The following GRID2 variants were observed in gnomAD, a reference collection of about 807,000 sequenced individuals.
GRID2 encodes glutamate ionotropic receptor delta type subunit 2, also known as glutamate receptor ionotropic, delta-2.
Under a neutral mutation model 114.8 loss-of-function variants are expected in GRID2, and 33 were observed. The ratio of observed to expected loss-of-function variants is 0.29; its 90% confidence interval spans 0.22 to 0.38. The LOEUF (loss-of-function observed/expected upper bound fraction) is 0.38. GRID2 is among the 10% of genes least tolerant of loss of function. The pLI is 1.00. For missense variants in GRID2, 1,184 were observed against 1,257.7 expected, an observed-to-expected ratio of 0.94 and a Z score of 0.89; for synonymous variants, 505 against 449.9, an observed-to-expected ratio of 1.12 and a Z score of -1.55.
chr4:92,890,010 T>C (rs1746642929), intron 2 of GRID2, among the ~76,000 whole-genome samples: 1 of 152,034 alleles, frequency 6.6e-6, no homozygotes, highest in African/African-American at 2.4e-5. Context: ...AAATAGGCAA[T>C]GGAGAAAGGA....
At chr4:93,439,201 A>G (rs1721390279) in intron 10 of GRID2, among the ~76,000 whole-genome samples, 1 of 152,124 alleles carries the variant, frequency 6.6e-6, no homozygotes, top group Admixed American at 6.6e-5. Context: ...TATACCCAGT[A>G]ATGTGATGGC....
At chr4:92,969,873 A>G (rs1753386507) in intron 2 of GRID2, among the ~76,000 whole-genome samples, 2 of 151,944 alleles carry the variant, frequency 1.3e-5, no homozygotes. Context: ...AAGGATCACA[A>G]TAACAGTAGG....
At chr4:93,534,053 C>G (rs980750348) in intron 13 of GRID2, among the ~76,000 whole-genome samples, 8 of 151,986 alleles carry the variant, frequency 5.3e-5, no homozygotes, top group Non-Finnish European at 8.8e-5. Context: ...TGGCTGTTTT[C>G]TGTTCTTCCT....
intron 2 of GRID2, among the ~76,000 whole-genome samples, chr4:93,022,588 A>G (rs1370424476): frequency 6.6e-6 from 1 of 152,004 alleles, no homozygotes; most frequent in Non-Finnish European, 1.5e-5. Flanking sequence ...TTTAACAGGT[A>G]TTGCTGAATT....
At chr4:93,699,838 A>G (rs1039799991) in intron 14 of GRID2, among the ~76,000 whole-genome samples, 1 of 152,170 alleles carries the variant, frequency 6.6e-6, no homozygotes, top group Non-Finnish European at 1.5e-5. Flanking sequence ...CTCTGTTTTG[A>G]TGTTATAAAA....
At chr4:93,451,273 A>G (rs1293270321) in intron 10 of GRID2, among the ~76,000 whole-genome samples, 1 of 152,096 alleles carries the variant, frequency 6.6e-6, no homozygotes, top group Non-Finnish European at 1.5e-5. Flanking sequence ...AGTGGCTAGG[A>G]AAGTGAGGAA....
chr4:93,653,069 A>G (rs72873041), intron 14 of GRID2, among the ~76,000 whole-genome samples: 18,095 of 152,160 alleles, frequency 0.12, 1,121 homozygotes, highest in Middle Eastern at 0.14. Flanking sequence ...AGTGTTGATT[A>G]TTAGTTGTCT....
intron 2 of GRID2, among the ~76,000 whole-genome samples, chr4:92,840,838 AC>A (rs1742837514): frequency 6.6e-6 from 1 of 152,090 alleles, no homozygotes; most frequent in Admixed American, 6.6e-5. Flanking sequence ...TGCAATATTC[AC>A]ATATTGAAAA....
downstream of GRID2, among the ~76,000 whole-genome samples, chr4:93,778,823 A>G (rs893624550): frequency 2.0e-5 from 3 of 152,196 alleles, no homozygotes; most frequent in Non-Finnish European, 2.9e-5. Flanking sequence ...GACATGATGT[A>G]TGTGATACAA....
chr4:92,795,494 C>T (rs1179742459), intron 2 of GRID2, among the ~76,000 whole-genome samples: 1 of 151,938 alleles, frequency 6.6e-6, no homozygotes, highest in Non-Finnish European at 1.5e-5. Flanking sequence ...ATGTCTTTAT[C>T]AGTAGCCTGA....
At chr4:92,405,396 G>A (rs189147438) in intron 1 of GRID2, among the ~76,000 whole-genome samples, 6 of 151,984 alleles carry the variant, frequency 3.9e-5, no homozygotes, top group East Asian at 1.9e-4. Flanking sequence ...TTCTATTAGC[G>A]GGGACAGACG....
intron 1 of GRID2, among the ~76,000 whole-genome samples, chr4:92,336,168 C>G (rs531450061): frequency 5.3e-5 from 8 of 152,180 alleles, no homozygotes; most frequent in African/African-American, 1.7e-4. Context: ...TTCATGTATG[C>G]TTAGTAATTC....
intron 6 of GRID2, among the ~76,000 whole-genome samples, chr4:93,220,467 TAA>T (rs1744745290): frequency 6.6e-6 from 1 of 152,158 alleles, no homozygotes. Context: ...CAAAAATATT[TAA>T]GTCTCATTAT....
intron 14 of GRID2, among the ~76,000 whole-genome samples, chr4:93,687,783 C>G (rs751934086): frequency 4.6e-5 from 7 of 151,616 alleles, no homozygotes; most frequent in Non-Finnish European, 5.9e-5. Context: ...TCAAGTATTT[C>G]TGTTATAAAA....
At chr4:92,911,535 T>C (rs753726537) in intron 2 of GRID2, among the ~76,000 whole-genome samples, 1 of 151,990 alleles carries the variant, frequency 6.6e-6, no homozygotes, top group Non-Finnish European at 1.5e-5. Context: ...ACTGCCATGA[T>C]AAAACAAATA....
At chr4:93,786,241 G>A (rs563195785) in intron 1 of GRID2, among the ~76,000 whole-genome samples, 1 of 152,294 alleles carries the variant, frequency 6.6e-6, no homozygotes, top group East Asian at 1.9e-4. Flanking sequence ...ACTAAAGCCA[G>A]ACTGCAGCTG....
intron 2 of GRID2, among the ~76,000 whole-genome samples, chr4:92,709,586 AAAAAT>A (rs1230329041): frequency 8.0e-4 from 105 of 131,692 alleles, no homozygotes; most frequent in African/African-American, 3.0e-3. Flanking sequence ...AAAAAAAAAA[AAAAAT>A]ATATATATAT....
intron 1 of GRID2, among the ~76,000 whole-genome samples, chr4:92,333,907 AT>A (rs1213179982): frequency 6.6e-6 from 1 of 151,808 alleles, no homozygotes; most frequent in Non-Finnish European, 1.5e-5. Context: ...TTTTCTTTTC[AT>A]TTTTTAGAGA....
At chr4:93,041,068 C>A (rs770192542) in intron 2 of GRID2, among the ~76,000 whole-genome samples, 2 of 151,958 alleles carry the variant, frequency 1.3e-5, no homozygotes, top group Non-Finnish European at 2.9e-5. Flanking sequence ...AATTTGAAAG[C>A]TTGAAATAAT....
Sources: gnomAD v4.1 joint callset for allele counts (sites outside exome capture counted in the v4.1 genomes callset) on GRCh38, gnomAD v4.1.1 for gene constraint, MANE v1.5 for transcripts, NCBI Gene and HGNC (gene_info 2026-07-23, HGNC 2026-07-21) for gene names.